TRDN: variants seen among roughly 807,000 people sequenced by gnomAD.
TRDN encodes triadin, also known as triadin in skeletal muscle.
TRDN carries 161 observed loss-of-function variants against 149.7 expected under a neutral mutation model. The ratio of observed to expected loss-of-function variants is 1.08; its 90% CI spans 0.95 to 1.23. The LOEUF is 1.23. Among genes scored for constraint, TRDN ranks in the 50% most tolerant of loss-of-function variants. The pLI, the probability that TRDN is intolerant of heterozygous loss-of-function variation, is 0.00. For synonymous variants in TRDN, 294 were observed against 250.5 expected (o/e 1.17, Z -1.64); for missense variants, 896 against 823.5 (o/e 1.09, Z -1.08).
chr6:123,302,916 T>C (rs905936364), intron 24 of TRDN, among the ~76,000 whole-genome samples: 2 of 152,186 alleles, frequency 1.3e-5, no homozygotes, highest in Non-Finnish European at 2.9e-5. Context: ...AGTAACTGTA[T>C]AGATTATAAC....
In TRDN at chr6:123,231,134, T is replaced by C. The variant is rs572045658; in HGVS notation, c.1976-7003A>G. On this transcript the variant is annotated intron_variant, in intron 38 of 40. Coordinates refer to ENST00000334268, the MANE Select transcript of TRDN (RefSeq NM_006073.4). Reference sequence around the variant, plus strand: ...GACCCTCACTCTTTCCTCTAAACTATTCTATCTTTACTTGCAAAGCACTTT... The same window carrying C: ...GACCCTCACTCTTTCCTCTAAACTACTCTATCTTTACTTGCAAAGCACTTT... Among the ~76,000 whole-genome samples the C allele has an allele frequency of 3.3e-5, 5 of 152,192 alleles. No homozygotes were observed. The East Asian group carries it at 9.7e-4, about 30-fold the overall frequency.
At chr6:123,319,582 T>A (rs1382464168) in intron 23 of TRDN, among the ~76,000 whole-genome samples, 1 of 152,128 alleles carries the variant, frequency 6.6e-6, no homozygotes, top group Non-Finnish European at 1.5e-5. Flanking sequence ...CCATTGGGAC[T>A]GGGAGGCCAG....
At chr6:123,327,229 T>C (rs1238078860) in intron 23 of TRDN, among the ~76,000 whole-genome samples, 1 of 152,120 alleles carries the variant, frequency 6.6e-6, no homozygotes, top group East Asian at 1.9e-4. Context: ...TCTCTCAGTG[T>C]GCGTTCCTAT....
chr6:123,255,723 T>C, intron 36 of TRDN, 144 bp downstream of exon 36: 1 of 388,826 alleles, frequency 2.6e-6, no homozygotes, highest in Non-Finnish European at 4.5e-6. Context: ...GTTTTTTACT[T>C]ACCATATTTC....
chr6:123,384,055 A>G (rs1781817563), intron 14 of TRDN, among the ~76,000 whole-genome samples: 1 of 152,190 alleles, frequency 6.6e-6, no homozygotes, highest in African/African-American at 2.4e-5. Flanking sequence ...CAGGAATTTT[A>G]AATTAGTAGG....
At chr6:123,256,086 C>T (rs1776548723) in intron 35 of TRDN, among the ~76,000 whole-genome samples, 184 bp from the exon 36 acceptor site, 1 of 152,054 alleles carries the variant, frequency 6.6e-6, no homozygotes, top group South Asian at 2.1e-4. Context: ...CTATCCCTCC[C>T]CTTAACCCCC....
At chr6:123,294,618 G>A (rs1477846935) in intron 24 of TRDN, among the ~76,000 whole-genome samples, 1 of 152,164 alleles carries the variant, frequency 6.6e-6, no homozygotes, top group African/African-American at 2.4e-5. Flanking sequence ...GAGATTTAAT[G>A]CTGCTGTTAA....
At chr6:123,345,118 A>C (rs1780204510) in intron 21 of TRDN, among the ~76,000 whole-genome samples, 1 of 151,930 alleles carries the variant, frequency 6.6e-6, no homozygotes, top group Non-Finnish European at 1.5e-5. Context: ...TGTAATTGTC[A>C]AACCCAAGGA....
intron 5 of TRDN, among the ~76,000 whole-genome samples, chr6:123,523,492 T>C (rs1319531039): frequency 6.6e-6 from 1 of 152,118 alleles, no homozygotes; most frequent in African/African-American, 2.4e-5. Flanking sequence ...ATGTCACTTT[T>C]ATCTCTTAGC....
At chr6:123,377,952 G>T (rs1212157250) in intron 16 of TRDN, 54 bp from the exon 17 acceptor site, 2 of 1,265,456 alleles carry the variant, frequency 1.6e-6, no homozygotes, top group African/African-American at 1.5e-5. Flanking sequence ...TAAAGTTTAT[G>T]AATCCCAACT....
At chr6:123,505,417 A>G (rs1036608153) in intron 7 of TRDN, among the ~76,000 whole-genome samples, 2 of 152,146 alleles carry the variant, frequency 1.3e-5, no homozygotes, top group Non-Finnish European at 2.9e-5. Context: ...ACCAAAAATC[A>G]TCTGTGGTAT....
Position 123,272,949 on chromosome 6 carries a change from C to A in TRDN, c.1672+15G>T, listed in dbSNP as rs937170687. On this transcript the variant is annotated intron_variant, in intron 29 of 40. Transcript: ENST00000334268. The stretch of plus-strand genomic sequence containing the variant: ...GAGAGGTTATTTGAGACTACAAATA[C>A]CACCTGCAAAATACCTGGTTTACCA... The A allele has an allele frequency of 6.6e-7, 1 of 1,518,882 alleles. No individual in the cohort carries two copies. Among genetic ancestry groups the A allele is most frequent in the Non-Finnish European group, 8.9e-7 (1 of 1,128,258 alleles). The allele number at this position is 1,518,882 out of a possible 1,614,324, so 94.1% of individuals were successfully genotyped here.
chr6:123,507,005 A>G (rs1352523531), intron 7 of TRDN, among the ~76,000 whole-genome samples: 1 of 152,146 alleles, frequency 6.6e-6, no homozygotes, highest in Non-Finnish European at 1.5e-5. Flanking sequence ...TGCTTCTTTC[A>G]GAGAAAACAG....
intron 12 of TRDN, among the ~76,000 whole-genome samples, chr6:123,431,902 C>G: frequency 6.6e-6 from 1 of 152,164 alleles, no homozygotes; most frequent in East Asian, 1.9e-4. Context: ...AAGCAATAAG[C>G]TTCTGTAAAG....
chr6:123,592,073 G>C (rs909700524), intron 1 of TRDN, among the ~76,000 whole-genome samples: 12 of 152,162 alleles, frequency 7.9e-5, no homozygotes, highest in Non-Finnish European at 1.5e-4. Context: ...GTATTGCTTA[G>C]TCTTCAACAT....
At chr6:123,522,678 C>T (rs1779748336) in intron 5 of TRDN, among the ~76,000 whole-genome samples, 1 of 151,946 alleles carries the variant, frequency 6.6e-6, no homozygotes, top group Non-Finnish European at 1.5e-5. Flanking sequence ...AGACATTTGA[C>T]TTAAATTACA....
Position 123,388,533 on chromosome 6 carries a change from T to C in TRDN, c.1124A>G (p.Glu375Gly). The C allele has an allele frequency of 6.3e-7, 1 of 1,586,938 alleles. No homozygotes were observed. The highest frequency in any genetic ancestry group is 8.6e-7 in the Non-Finnish European group (1 of 1,164,376). ...TGCATAAAACATACCTTCCTTCTTT[T>C]CATCCTTCTTAGCTGCTGCTGAAGT... is the stretch of plus-strand genomic sequence containing the variant. ...IAAQAAAKKD[E>G]KKEDSKKTKK... The change falls in exon 14 of 41, where the codon GAA (glutamate) becomes GGA (glycine). Residue 375 changes from glutamate (E) to glycine (G), a missense_variant. Transcript: ENST00000334268.
intron 11 of TRDN, among the ~76,000 whole-genome samples, 171 bp from the exon 12 acceptor site, chr6:123,438,293 G>A (rs908819918): frequency 6.6e-6 from 1 of 151,546 alleles, no homozygotes; most frequent in Non-Finnish European, 1.5e-5. Context: ...CAGACTAGTG[G>A]CTTAGGTATA....
chr6:123,244,499 C>G (rs4374837), intron 38 of TRDN, among the ~76,000 whole-genome samples: 3,407 of 152,012 alleles, frequency 0.022, 136 homozygotes, highest in African/African-American at 0.079. Context: ...GTAACAGAGA[C>G]TAAAGATCAA....
Sources: gnomAD v4.1 joint callset for allele counts (sites outside exome capture counted in the v4.1 genomes callset) on GRCh38, gnomAD v4.1.1 for gene constraint, MANE v1.5 for transcripts, NCBI Gene and HGNC (gene_info 2026-07-23, HGNC 2026-07-21) for gene names.